Variants in HLA-E observed in about 807,000 individuals in gnomAD.
HLA-E encodes the protein major histocompatibility complex, class I, E.
HLA-E carries 25 observed loss-of-function variants against 43.4 expected under a neutral mutation model. The ratio of observed to expected loss-of-function variants is 0.58; its 90% confidence interval spans 0.42 to 0.80. The LOEUF (loss-of-function observed/expected upper bound fraction) is 0.80. HLA-E is among the 30% of genes least tolerant of loss of function. The pLI is 0.00. For synonymous variants in HLA-E, 161 were observed against 197.6 expected, an observed-to-expected ratio of 0.81 and a Z score of 1.55; for missense variants, 343 against 470.0, an observed-to-expected ratio of 0.73 and a Z score of 2.50.
In HLA-E at chr6:30,491,473, C is replaced by G. The variant is rs1195719089; in HGVS notation, c.886+61C>G. On this transcript the variant is annotated intron_variant, in intron 4 of 7. Coordinates refer to ENST00000376630, the MANE Select transcript of HLA-E (RefSeq NM_005516.6). This position sits in a 1 kb window ranked among gnomAD's most constrained non-coding sequence, Gnocchi z 5.4. ...GGGAAAGCGGGAGCCCTTCTGGAGC[C>G]CTTCCGCAGGGTCAGGGCTGAGGCC... 47 of 1,610,876 alleles carry G rather than the reference C, an allele frequency of 2.9e-5. No homozygotes were observed. Among genetic ancestry groups the G allele is most frequent in the Non-Finnish European group, 4.0e-5 (47 of 1,177,864 alleles).
chr6:30,492,671 A>T lies in HLA-E; in HGVS notation c.*3-78A>T. The T allele has an allele frequency of 7.5e-7, 1 of 1,335,942 alleles. No homozygotes were observed. The highest frequency in any genetic ancestry group is 1.1e-6 in the Non-Finnish European group (1 of 944,482). 82.8% of individuals were successfully genotyped at this position (1,335,942 alleles called of 1,614,324 possible). A position where few individuals can be genotyped will look rare whatever the true frequency, so the allele number is the denominator to read the frequency against. ...GGGATTTTTTGATTCAGAATTTTTG[A>T]GTGTGTGGTGGGCTGTTCAGAGTGT... On this transcript the variant is annotated intron_variant, in intron 7 of 7. Transcript: ENST00000376630. This position sits in a 1 kb window ranked among gnomAD's most constrained non-coding sequence, Gnocchi z 4.5.
Position 30,490,798 on chromosome 6 carries a change from A to G in HLA-E, c.610+283A>G, listed in dbSNP as rs911530717. Among the ~76,000 whole-genome samples, 3 of 152,164 alleles carry G rather than the reference A, an allele frequency of 2.0e-5. No individual in the cohort carries two copies. The highest frequency in any genetic ancestry group is 4.4e-5 in the Non-Finnish European group (3 of 68,022). ...TGAGCAGTTCTCTTTGACTCCCAGT[A>G]TTAGGAATCACGGGGGAGTTTCTCT... is the stretch of plus-strand genomic sequence containing the variant. On this transcript the variant is annotated intron_variant, in intron 3 of 7. Transcript: ENST00000376630. The surrounding 1 kb of genome is among the most constrained non-coding windows in gnomAD (Gnocchi z 6.6).
Position 30,490,424 on chromosome 6 carries a change from G to A in HLA-E, c.519G>A (p.Glu173=). The change falls in exon 3 of 8, where the codon GAG becomes GAA. Residue 173 remains glutamate (E), a synonymous_variant. Coordinates refer to ENST00000376630, the MANE Select transcript of HLA-E (RefSeq NM_005516.6). The surrounding 1 kb of genome is among the most constrained non-coding windows in gnomAD (Gnocchi z 6.6). ...AGCAAAAGTCAAATGATGCCTCTGA[G>A]GCGGAGCACCAGAGAGCCTACCTGG... ...ISEQKSNDAS[E]AEHQRAYLED... 6.2e-7 allele frequency: 1 copy of A among 1,613,054 alleles called. No homozygotes were observed. The highest frequency in any genetic ancestry group is 8.5e-7 in the Non-Finnish European group (1 of 1,179,994).
chr6:30,492,371 C>G lies in HLA-E; in HGVS notation c.1004-33C>G. On this transcript the variant is annotated intron_variant, in intron 5 of 7. Transcript: ENST00000376630. The surrounding 1 kb of genome is among the most constrained non-coding windows in gnomAD (Gnocchi z 4.5). ...TAGGACCTTATGGCCCTGCCTCCTC[C>G]CTGGCCCCTCACAGGACATTTTCTT... 1 of 1,613,742 alleles carries G rather than the reference C, an allele frequency of 6.2e-7. No homozygotes were observed. The highest frequency in any genetic ancestry group is 1.3e-5 in the African/African-American group (1 of 75,010).
Position 30,490,140 on chromosome 6 carries a change from C to A in HLA-E, c.335-100C>A. The A allele has an allele frequency of 6.6e-7, 1 of 1,522,562 alleles. No individual in the cohort carries two copies. The highest frequency in any genetic ancestry group is 8.9e-7 in the Non-Finnish European group (1 of 1,122,850). The allele number at this position is 1,522,562 out of a possible 1,614,324, so 94.3% of individuals were successfully genotyped here. On this transcript the variant is annotated intron_variant, in intron 2 of 7. Coordinates refer to ENST00000376630, the MANE Select transcript of HLA-E (RefSeq NM_005516.6). The surrounding 1 kb of genome is among the most constrained non-coding windows in gnomAD (Gnocchi z 6.6). ...CCTAGACCGGGGAGAGTCTCAGGCG[C>A]CTTTACCCGGTTCTTTTTCAGTTTA...
At position 30,490,382 on chromosome 6, in the gene HLA-E, G is replaced by A. The variant is rs771438991; in HGVS notation, c.477G>A (p.Thr159=). The change falls in exon 3 of 8, where the codon ACG becomes ACA. Residue 159 remains threonine (T), a synonymous_variant. Transcript: ENST00000376630. The surrounding 1 kb of genome is among the most constrained non-coding windows in gnomAD (Gnocchi z 6.6). ...TGCGCTCCTGGACCGCGGTGGACAC[G>A]GCGGCTCAGATCTCCGAGCAAAAGT... ...EDLRSWTAVD[T]AAQISEQKSN... 1 of 1,613,066 alleles carries A rather than the reference G, an allele frequency of 6.2e-7. No homozygotes were observed. Among genetic ancestry groups the A allele is most frequent in the Non-Finnish European group, 8.5e-7 (1 of 1,180,024 alleles).
At position 30,492,676 on chromosome 6, in the gene HLA-E, G is replaced by A; in HGVS notation, c.*3-73G>A. The stretch of plus-strand genomic sequence containing the variant: ...TTTTTGATTCAGAATTTTTGAGTGT[G>A]TGGTGGGCTGTTCAGAGTGTCATCA... On this transcript the variant is annotated intron_variant, in intron 7 of 7. Coordinates refer to ENST00000376630, the MANE Select transcript of HLA-E (RefSeq NM_005516.6). This position sits in a 1 kb window ranked among gnomAD's most constrained non-coding sequence, Gnocchi z 4.5. The A allele has an allele frequency of 8.0e-7, 1 of 1,253,708 alleles. No homozygotes were observed. The highest frequency in any genetic ancestry group is 1.1e-6 in the Non-Finnish European group (1 of 870,718). The allele number at this position is 1,253,708 out of a possible 1,614,324, so 77.7% of individuals were successfully genotyped here. A position where few individuals can be genotyped will look rare whatever the true frequency, so the allele number is the denominator to read the frequency against.
chr6:30,492,927 C>T lies in HLA-E; in HGVS notation c.*181C>T. 1 of 423,258 alleles carries T rather than the reference C, an allele frequency of 2.4e-6. No homozygotes were observed. Among genetic ancestry groups the T allele is most frequent in the Non-Finnish European group, 4.2e-6 (1 of 237,138 alleles). The allele number at this position is 423,258 out of a possible 1,614,324, so 26.2% of individuals were successfully genotyped here. A position where few individuals can be genotyped will look rare whatever the true frequency, so the allele number is the denominator to read the frequency against. On this transcript the variant is annotated 3_prime_UTR_variant, in exon 8 of 8. Coordinates refer to ENST00000376630, the MANE Select transcript of HLA-E (RefSeq NM_005516.6). The surrounding 1 kb of genome is among the most constrained non-coding windows in gnomAD (Gnocchi z 4.5). Reference sequence around the variant, plus strand: ...CAATGTGAGGAGGTAGAGAAACAGTCCACCTCTGTGTCTACCATGACCCCC... The same window carrying T: ...CAATGTGAGGAGGTAGAGAAACAGTTCACCTCTGTGTCTACCATGACCCCC...
In HLA-E at chr6:30,490,721, G is replaced by A. The variant is rs935984267; in HGVS notation, c.610+206G>A. ...CTTAAAGGGCCAGACCTCTCTCAGG[G>A]GCAATTAAGGAATCTAGTCTCGCTG... On this transcript the variant is annotated intron_variant, in intron 3 of 7. Coordinates refer to ENST00000376630, the MANE Select transcript of HLA-E (RefSeq NM_005516.6). The surrounding 1 kb of genome is among the most constrained non-coding windows in gnomAD (Gnocchi z 6.6). Among the ~76,000 whole-genome samples, 3 of 152,142 alleles carry A rather than the reference G, an allele frequency of 2.0e-5. No individual in the cohort carries two copies. Among genetic ancestry groups the A allele is most frequent in the Non-Finnish European group, 2.9e-5 (2 of 67,992 alleles).
chr6:30,492,631 C>A lies in HLA-E; in HGVS notation c.*2+48C>A. 6.3e-7 allele frequency: 1 copy of A among 1,580,870 alleles called. No individual in the cohort carries two copies. The highest frequency in any genetic ancestry group is 8.7e-7 in the Non-Finnish European group (1 of 1,153,532). On this transcript the variant is annotated intron_variant, in intron 7 of 7. Coordinates refer to ENST00000376630, the MANE Select transcript of HLA-E (RefSeq NM_005516.6). This position sits in a 1 kb window ranked among gnomAD's most constrained non-coding sequence, Gnocchi z 4.5. ...TGGGTGGAGGGTGGGGCAGAGGGGA[C>A]AGGACTGGGTTGTGGGGATTTTTTG...
Position 30,489,688 on chromosome 6 carries a change from G to T in HLA-E, c.65-38G>T. 1.9e-6 allele frequency: 3 copies of T among 1,611,256 alleles called. No individual in the cohort carries two copies. Among genetic ancestry groups the T allele is most frequent in the Non-Finnish European group, 2.5e-6 (3 of 1,179,140 alleles). ...AAGGACTCGGGGAGCCGCGCCGGGAGGAGGGTCGGGCCGATCTCAGCCCCT... is the reference window on the plus strand; with the variant it reads ...AAGGACTCGGGGAGCCGCGCCGGGATGAGGGTCGGGCCGATCTCAGCCCCT... On this transcript the variant is annotated intron_variant, in intron 1 of 7. Transcript: ENST00000376630. The surrounding 1 kb of genome is among the most constrained non-coding windows in gnomAD (Gnocchi z 5.6).
rs145584770 is a variant in HLA-E at position 30,493,946 on chromosome 6, C to T, written c.*1200C>T. 4 of 152,408 alleles carry T rather than the reference C, an allele frequency of 2.6e-5. No individual in the cohort carries two copies. Among genetic ancestry groups the T allele is most frequent in the African/African-American group, 9.6e-5 (4 of 41,570 alleles). 9.4% of individuals were successfully genotyped at this position (152,408 alleles called of 1,614,324 possible). On this transcript the variant is annotated 3_prime_UTR_variant, in exon 8 of 8. Transcript: ENST00000376630. The surrounding 1 kb of genome is among the most constrained non-coding windows in gnomAD (Gnocchi z 5.5). ...AAAGCTTTAGGCACCAGCCTGCAAC[C>T]CATTCGAGCAGCCACGTAGGCTGCA...
Position 30,489,593 on chromosome 6 carries a change from C to G in HLA-E, c.62C>G (p.Ala21Gly), listed in dbSNP as rs1330465569. The G allele has an allele frequency of 1.3e-6, 2 of 1,570,840 alleles. No homozygotes were observed. Among genetic ancestry groups the G allele is most frequent in the Non-Finnish European group, 1.7e-6 (2 of 1,158,204 alleles). ...GCCCTGGCCCTTACCCAGACCTGGG[C>G]GGGTGAGTGCGGGGTCGGGATGGAA... Reference protein sequence around the residue: ...SEALALTQTWAGSHSLKYFHT... With the variant: ...SEALALTQTWGGSHSLKYFHT... The change falls in exon 1 of 8, where the codon GCG becomes GGG. Residue 21 changes from alanine to glycine, a missense_variant and splice_region_variant. Around this residue, in one of 3 missense-constraint regions of HLA-E, gnomAD observed 94 missense variants for 144.4 expected, o/e 0.65. Coordinates refer to ENST00000376630, the MANE Select transcript of HLA-E (RefSeq NM_005516.6). The surrounding 1 kb of genome is among the most constrained non-coding windows in gnomAD (Gnocchi z 5.6).
In HLA-E at chr6:30,490,104, C is replaced by A. The variant is rs1796437349; in HGVS notation, c.334+109C>A. 1 of 1,497,758 alleles carries A rather than the reference C, an allele frequency of 6.7e-7. No individual in the cohort carries two copies. Among genetic ancestry groups the A allele is most frequent in the Non-Finnish European group, 9.1e-7 (1 of 1,103,238 alleles). 92.8% of individuals were successfully genotyped at this position (1,497,758 alleles called of 1,614,324 possible). On this transcript the variant is annotated intron_variant, in intron 2 of 7. Transcript: ENST00000376630. This position sits in a 1 kb window ranked among gnomAD's most constrained non-coding sequence, Gnocchi z 6.6. ...CCAGATTCACCCCAAGGCTGCGGAACCCGCCCAGACCCTAGACCGGGGAGA... is the reference window on the plus strand; with the variant it reads ...CCAGATTCACCCCAAGGCTGCGGAAACCGCCCAGACCCTAGACCGGGGAGA...
chr6:30,490,111 AG>A lies in HLA-E; in HGVS notation c.334+117del. On this transcript the variant is annotated intron_variant, in intron 2 of 7. Transcript: ENST00000376630. This position sits in a 1 kb window ranked among gnomAD's most constrained non-coding sequence, Gnocchi z 6.6. ...CACCCCAAGGCTGCGGAACCCGCCCAGACCCTAGACCGGGGAGAGTCTCAGG... is the reference window on the plus strand; with the variant it reads ...CACCCCAAGGCTGCGGAACCCGCCCAACCCTAGACCGGGGAGAGTCTCAGG... 6.7e-7 allele frequency: 1 copy of A among 1,499,950 alleles called. No homozygotes were observed. 92.9% of individuals were successfully genotyped at this position (1,499,950 alleles called of 1,614,324 possible). A position where few individuals can be genotyped will look rare whatever the true frequency, so the allele number is the denominator to read the frequency against.
At position 30,490,928 on chromosome 6, in the gene HLA-E, C is replaced by T. The variant is rs1033228040; in HGVS notation, c.611-209C>T. Among the ~76,000 whole-genome samples the T allele has an allele frequency of 3.3e-5, 5 of 152,212 alleles. No individual in the cohort carries two copies. The highest frequency in any genetic ancestry group is 3.3e-4 in the Admixed American group (5 of 15,282). On this transcript the variant is annotated intron_variant, in intron 3 of 7. Transcript: ENST00000376630. The surrounding 1 kb of genome is among the most constrained non-coding windows in gnomAD (Gnocchi z 6.6). The stretch of plus-strand genomic sequence containing the variant: ...GGCCAGGACCAGAAATCCCTTTTCA[C>T]CTTCTACCCTGGGCTAGCTCATCCC...
rs1441579406 is a variant in HLA-E at position 30,492,767 on chromosome 6, T to C, written c.*21T>C. On this transcript the variant is annotated 3_prime_UTR_variant, in exon 8 of 8. Transcript: ENST00000376630. This position sits in a 1 kb window ranked among gnomAD's most constrained non-coding sequence, Gnocchi z 4.5. ...TCTGTAGCCTGAGACAGCTGCCTTG[T>C]GTGCGACTGAGATGCACAGCTGCCT... 4.2e-6 allele frequency: 3 copies of C among 707,894 alleles called. No homozygotes were observed. Among genetic ancestry groups the C allele is most frequent in the Non-Finnish European group, 7.6e-6 (3 of 396,860 alleles). The allele number at this position is 707,894 out of a possible 1,614,324, so 43.9% of individuals were successfully genotyped here.
At position 30,491,019 on chromosome 6, in the gene HLA-E, T is replaced by G; in HGVS notation, c.611-118T>G. The G allele has an allele frequency of 2.1e-6, 3 of 1,396,514 alleles. No individual in the cohort carries two copies. The highest frequency in any genetic ancestry group is 3.0e-6 in the Non-Finnish European group (3 of 1,015,076). The allele number at this position is 1,396,514 out of a possible 1,614,324, so 86.5% of individuals were successfully genotyped here. A position where few individuals can be genotyped will look rare whatever the true frequency, so the allele number is the denominator to read the frequency against. On this transcript the variant is annotated intron_variant, in intron 3 of 7. Transcript: ENST00000376630. The surrounding 1 kb of genome is among the most constrained non-coding windows in gnomAD (Gnocchi z 5.4). ...CCCTAAGTCCAGGCTGGTGTCAAGG[T>G]TTTGTCCTCTTCTCCTACTATAATT...
rs758616194 is a variant in HLA-E, at chr6:30,491,518, C to T, written c.887-19C>T. 8.1e-6 allele frequency: 13 copies of T among 1,611,812 alleles called. No homozygotes were observed. The highest frequency in any genetic ancestry group is 6.7e-5 in the East Asian group (3 of 44,902). ...GAGGCCTGGGGGTCAGGGCCCCTTACGTTCCCCTCTTTTCCCAGAGCCGGC... is the reference window on the plus strand; with the variant it reads ...GAGGCCTGGGGGTCAGGGCCCCTTATGTTCCCCTCTTTTCCCAGAGCCGGC... On this transcript the variant is annotated intron_variant, in intron 4 of 7. Coordinates refer to ENST00000376630, the MANE Select transcript of HLA-E (RefSeq NM_005516.6). This position sits in a 1 kb window ranked among gnomAD's most constrained non-coding sequence, Gnocchi z 5.4.
Sources: allele counts gnomAD v4.1 joint callset (sites outside exome capture counted in the v4.1 genomes callset), GRCh38; gene constraint gnomAD v4.1.1; regional missense constraint gnomAD v4.1.1; non-coding constraint Gnocchi (gnomAD v3.1); transcripts MANE v1.5; gene names NCBI Gene and HGNC (gene_info 2026-07-23, HGNC 2026-07-21).